ZSCAN5A: variants seen among roughly 807,000 people sequenced by gnomAD.
ZSCAN5A encodes zinc finger and SCAN domain containing 5A, also known as zinc finger and SCAN domain-containing protein 5A.
In ZSCAN5A, 12 loss-of-function variants were observed where a neutral mutation model predicts 23.7. That is an observed-to-expected ratio of 0.51 (90% CI 0.32 to 0.82). ZSCAN5A has a LOEUF of 0.82. Ranked by LOEUF, ZSCAN5A falls within the 40% of genes least tolerant of loss-of-function variation. ZSCAN5A has a pLI of 0.03. For synonymous variants in ZSCAN5A, 257 were observed against 239.9 expected, an observed-to-expected ratio of 1.07 and a Z score of -0.66; for missense variants, 597 against 617.9, an observed-to-expected ratio of 0.97 and a Z score of 0.36.
chr19:56,241,228 T>G (rs1160017267), intron 2 of ZSCAN5A, among the ~76,000 whole-genome samples: 26 of 152,218 alleles, frequency 1.7e-4, no homozygotes, highest in Admixed American at 1.7e-3. Flanking sequence ...GGAAAAGAAC[T>G]GAGAGTGAAT....
chr19:56,258,962 C>A (rs8110327), intron 2 of ZSCAN5A, among the ~76,000 whole-genome samples: 7,124 of 152,142 alleles, frequency 0.047, 591 homozygotes, highest in African/African-American at 0.16. Flanking sequence ...CGGAGAGGAC[C>A]TGAGACAGCA....
At chr19:56,356,479 T>C (rs1600301861) in intron 2 of ZSCAN5A, among the ~76,000 whole-genome samples, 1 of 147,996 alleles carries the variant, frequency 6.8e-6, no homozygotes, top group Admixed American at 6.7e-5. Context: ...AATGTGAAAC[T>C]GGGGAGTATA....
intron 2 of ZSCAN5A, among the ~76,000 whole-genome samples, chr19:56,353,523 A>G (rs1440795563): frequency 1.3e-5 from 2 of 152,124 alleles, no homozygotes; most frequent in Non-Finnish European, 2.9e-5. Flanking sequence ...TAATCCCAGC[A>G]TTTTGGGAGG....
intron 2 of ZSCAN5A, 149 bp from the exon 3 acceptor site, chr19:56,225,322 T>A: frequency 1.7e-6 from 1 of 586,528 alleles, no homozygotes; most frequent in South Asian, 6.3e-5. Flanking sequence ...GACTACATAC[T>A]CTGGTTTAAA....
chr19:56,248,809 C>G (rs545893048), intron 2 of ZSCAN5A, among the ~76,000 whole-genome samples: 2 of 152,138 alleles, frequency 1.3e-5, no homozygotes, highest in Non-Finnish European at 2.9e-5. Flanking sequence ...ACTCCCTCCC[C>G]ACACGGCACA....
intron 2 of ZSCAN5A, among the ~76,000 whole-genome samples, chr19:56,339,241 T>C (rs576761910): frequency 7.2e-4 from 109 of 152,162 alleles, no homozygotes; most frequent in Middle Eastern, 6.8e-3. Context: ...GTTGTAGCCG[T>C]ATTTAGCAAT....
At chr19:56,361,052 G>C (rs1359366613) in intron 2 of ZSCAN5A, among the ~76,000 whole-genome samples, 1 of 152,176 alleles carries the variant, frequency 6.6e-6, no homozygotes, top group East Asian at 1.9e-4. Context: ...CTTAGAAGAA[G>C]ACATACATGT....
At chr19:56,286,124 C>A (rs988532523) in intron 2 of ZSCAN5A, among the ~76,000 whole-genome samples, 7 of 152,068 alleles carry the variant, frequency 4.6e-5, no homozygotes, top group Admixed American at 6.5e-5. Flanking sequence ...CGGGTTCAAG[C>A]GATTCTCCTG....
chr19:56,310,586 T>C (rs2040976348), intron 2 of ZSCAN5A: 1 of 152,256 alleles, frequency 6.6e-6, no homozygotes, highest in African/African-American at 2.4e-5. Context: ...GAGAGACCGA[T>C]GGCTCGTCCA....
chr19:56,364,301 T>C (rs1175699406), intron 1 of ZSCAN5A, among the ~76,000 whole-genome samples: 3 of 152,244 alleles, frequency 2.0e-5, no homozygotes, highest in Admixed American at 1.3e-4. Context: ...TATGAACTTA[T>C]GTTGTTACTC....
chr19:56,311,026 T>C (rs976305059), intron 2 of ZSCAN5A, among the ~76,000 whole-genome samples: 3 of 152,240 alleles, frequency 2.0e-5, no homozygotes, highest in African/African-American at 7.2e-5. Context: ...AAAATACTTT[T>C]ACCATTTTGT....
chr19:56,281,155 T>G (rs2038667772), intron 2 of ZSCAN5A, among the ~76,000 whole-genome samples: 1 of 152,166 alleles, frequency 6.6e-6, no homozygotes, highest in African/African-American at 2.4e-5. Flanking sequence ...GAAAATATGT[T>G]TACTCTTCAT....
At position 56,221,607 on chromosome 19, in the gene ZSCAN5A, G is replaced by C. The variant is rs1363734969; in HGVS notation, c.1459C>G (p.Gln487Glu). The C allele has an allele frequency of 1.2e-6, 2 of 1,608,764 alleles. No individual in the cohort carries two copies. Among genetic ancestry groups the C allele is most frequent in the Non-Finnish European group, 1.7e-6 (2 of 1,177,332 alleles). ...GAAGTAGCTTCTGGATGTGTTTTCT[G>C]GTGGCGTCTTAACAATTTCAGCCGA... ...FSRLKLLRRH[Q>E]KTHPEATSQ The change falls in exon 6 of 6, where the codon CAG becomes GAG. Residue 487 changes from glutamine to glutamate, a missense_variant. Coordinates refer to ENST00000683990, the MANE Select transcript of ZSCAN5A (RefSeq NM_001322064.3).
At chr19:56,354,281 A>C (rs1206980847) in intron 2 of ZSCAN5A, among the ~76,000 whole-genome samples, 1 of 144,640 alleles carries the variant, frequency 6.9e-6, no homozygotes, top group Non-Finnish European at 1.5e-5. Context: ...TAAGCCAGTC[A>C]ATTGTTTGTT....
intron 1 of ZSCAN5A, 176 bp downstream of exon 1, chr19:56,314,505 C>T (rs912933595): frequency 6.6e-6 from 1 of 152,210 alleles, no homozygotes; most frequent in African/African-American, 2.4e-5. Flanking sequence ...ACAAACAGCC[C>T]GCAAGGTCAC....
intron 2 of ZSCAN5A, among the ~76,000 whole-genome samples, chr19:56,337,284 A>C (rs1955048829): frequency 6.6e-6 from 1 of 152,160 alleles, no homozygotes; most frequent in Admixed American, 6.5e-5. Context: ...CGGCAATGGC[A>C]GGCGCCCCTC....
chr19:56,315,365 G>C (rs1413132651), upstream of ZSCAN5A: 1 of 152,320 alleles, frequency 6.6e-6, no homozygotes. Flanking sequence ...TGTCGTCTGC[G>C]GGGAGGTTGG....
Position 56,222,679 on chromosome 19 carries a change from G to A in ZSCAN5A, c.651C>T (p.Pro217=), listed in dbSNP as rs2033401342. Residue 217 remains proline, a synonymous_variant, in exon 5 of 6, where the codon CCC becomes CCT. Transcript: ENST00000683990. ...TCAGATCCTTCTCCAAGGTCTGCTTGGGTCTCAGAGACTTTGGGTCACCTG... is the reference window on the plus strand; with the variant it reads ...TCAGATCCTTCTCCAAGGTCTGCTTAGGTCTCAGAGACTTTGGGTCACCTG... The part of the protein sequence containing the change: ...DVTGDPKSLR[P]KQTLEKDLKE... The A allele has an allele frequency of 1.2e-6, 2 of 1,614,026 alleles. No homozygotes were observed. The highest frequency in any genetic ancestry group is 2.2e-5 in the East Asian group (1 of 44,888).
intron 2 of ZSCAN5A, among the ~76,000 whole-genome samples, chr19:56,294,342 GC>G (rs1237923828): frequency 2.6e-5 from 4 of 152,200 alleles, no homozygotes; most frequent in African/African-American, 7.2e-5. Context: ...AGGCAAAGAG[GC>G]CTGGGTGGGA....
Sources: allele counts gnomAD v4.1 joint callset (sites outside exome capture counted in the v4.1 genomes callset), GRCh38; gene constraint gnomAD v4.1.1; transcripts MANE v1.5; gene names NCBI Gene and HGNC (gene_info 2026-07-23, HGNC 2026-07-21).